AGBL4: variants seen among roughly 807,000 people sequenced by gnomAD.
The protein encoded by AGBL4 is AGBL carboxypeptidase 4, also known as cytosolic carboxypeptidase 6.
AGBL4 carries 58 observed loss-of-function variants against 66.4 expected under a neutral mutation model. The ratio of observed to expected loss-of-function variants is 0.87; its 90% CI spans 0.71 to 1.09. The LOEUF (loss-of-function observed/expected upper bound fraction) is 1.09. Ranked by LOEUF, AGBL4 falls within the 50% of genes least tolerant of loss-of-function variation. AGBL4 has a pLI of 0.00. For missense variants in AGBL4, 579 were observed against 631.0 expected (o/e 0.92, Z 0.88); for synonymous variants, 234 against 222.9 (o/e 1.05, Z -0.44).
intron 1 of AGBL4, among the ~76,000 whole-genome samples, chr1:49,880,857 T>G (rs1443281379): frequency 6.6e-6 from 1 of 152,022 alleles, no homozygotes; most frequent in Non-Finnish European, 1.5e-5. Context: ...GGATATAGTC[T>G]CGTGGTGCGC....
intron 4 of AGBL4, among the ~76,000 whole-genome samples, chr1:49,174,498 T>C (rs1363798229): frequency 6.6e-6 from 1 of 152,154 alleles, no homozygotes; most frequent in Non-Finnish European, 1.5e-5. Flanking sequence ...ATATGCATGG[T>C]CTCTTTCTAA....
chr1:48,955,817 A>C (rs1242432287), intron 5 of AGBL4, among the ~76,000 whole-genome samples: 2 of 152,262 alleles, frequency 1.3e-5, no homozygotes, highest in Non-Finnish European at 2.9e-5. Context: ...CTGAATCTCC[A>C]CCAGTGAAAC....
chr1:49,044,566 C>T (rs1644029543), intron 5 of AGBL4, among the ~76,000 whole-genome samples: 1 of 151,908 alleles, frequency 6.6e-6, no homozygotes, highest in Non-Finnish European at 1.5e-5. Flanking sequence ...AGATGTCTAA[C>T]TCCTAATCCC....
chr1:49,975,681 C>T (rs1318363681), intron 1 of AGBL4, among the ~76,000 whole-genome samples: 1 of 152,134 alleles, frequency 6.6e-6, no homozygotes, highest in African/African-American at 2.4e-5. Flanking sequence ...TATTTACACT[C>T]TATAATATTT....
At chr1:48,659,161 T>C (rs1646067591) in intron 7 of AGBL4, among the ~76,000 whole-genome samples, 1 of 152,084 alleles carries the variant, frequency 6.6e-6, no homozygotes, top group Admixed American at 6.5e-5. Flanking sequence ...GAGGGGATTG[T>C]GGGTACTGGT....
At chr1:49,470,216 A>T (rs530476758) in intron 3 of AGBL4, among the ~76,000 whole-genome samples, 1 of 151,982 alleles carries the variant, frequency 6.6e-6, no homozygotes. Context: ...TGTCTTAGAT[A>T]TAATAGTATT....
intron 4 of AGBL4, among the ~76,000 whole-genome samples, chr1:49,128,120 A>G (rs1645803579): frequency 6.6e-6 from 1 of 152,046 alleles, no homozygotes; most frequent in Non-Finnish European, 1.5e-5. Flanking sequence ...GAAGAAAGAT[A>G]TAAAAAAGAA....
chr1:49,428,294 T>C (rs1034166602), intron 3 of AGBL4, among the ~76,000 whole-genome samples: 1 of 152,238 alleles, frequency 6.6e-6, no homozygotes, highest in Non-Finnish European at 1.5e-5. Flanking sequence ...CACAGATTCA[T>C]AGTGGGCAAA....
At chr1:49,232,685 C>T (rs752834567) in intron 4 of AGBL4, among the ~76,000 whole-genome samples, 6 of 148,588 alleles carry the variant, frequency 4.0e-5, no homozygotes, top group South Asian at 4.2e-4. Context: ...GGTGACAGAG[C>T]GAGACTCTGT....
chr1:50,007,089 T>A (rs1661183313), intron 1 of AGBL4, among the ~76,000 whole-genome samples: 1 of 152,082 alleles, frequency 6.6e-6, no homozygotes, highest in Admixed American at 6.6e-5. Context: ...ACTTAAAATG[T>A]AGAGTTTTTA....
chr1:49,858,116 A>G (rs1646478992), intron 1 of AGBL4, among the ~76,000 whole-genome samples: 1 of 152,120 alleles, frequency 6.6e-6, no homozygotes, highest in Admixed American at 6.6e-5. Context: ...ATATGAAAAA[A>G]TGCTCAACAT....
intron 1 of AGBL4, 21 bp from the exon 2 acceptor site, chr1:49,851,539 A>G (rs1646306678): frequency 1.9e-6 from 3 of 1,543,920 alleles, no homozygotes; most frequent in East Asian, 4.9e-5. Flanking sequence ...AAATTGAAAT[A>G]AAAGTCAAAG....
At chr1:49,608,741 C>T (rs915487038) in intron 3 of AGBL4, among the ~76,000 whole-genome samples, 2 of 151,946 alleles carry the variant, frequency 1.3e-5, no homozygotes, top group Non-Finnish European at 2.9e-5. Context: ...CATCTCCTAG[C>T]CTGAAAAAGA....
chr1:49,596,302 G>A (rs767469028), intron 3 of AGBL4, among the ~76,000 whole-genome samples: 16 of 152,070 alleles, frequency 1.1e-4, no homozygotes, highest in Non-Finnish European at 1.0e-4. Flanking sequence ...TGAGTAGCTG[G>A]GGTTACAGGC....
chr1:48,687,139 C>A (rs72902823), intron 6 of AGBL4, among the ~76,000 whole-genome samples: 1 of 151,940 alleles, frequency 6.6e-6, no homozygotes, highest in African/African-American at 2.4e-5. Context: ...AGACAAACAG[C>A]GGCAGATGAA....
intron 3 of AGBL4, among the ~76,000 whole-genome samples, chr1:49,606,470 G>A (rs1037940861): frequency 6.6e-6 from 1 of 152,040 alleles, no homozygotes; most frequent in African/African-American, 2.4e-5. Flanking sequence ...ATATTTACAG[G>A]ATCCTATTTA....
intron 6 of AGBL4, chr1:48,776,581 C>G (rs1451973636): frequency 7.2e-7 from 1 of 1,386,890 alleles, no homozygotes; most frequent in East Asian, 3.1e-5. Context: ...CGGGTCCCAC[C>G]GTCCCTCCCC....
chr1:49,582,029 G>A (rs531863344), intron 3 of AGBL4, among the ~76,000 whole-genome samples: 1 of 152,274 alleles, frequency 6.6e-6, no homozygotes, highest in African/African-American at 2.4e-5. Context: ...GCACTTGCAG[G>A]TAGAAACAAG....
intron 3 of AGBL4, among the ~76,000 whole-genome samples, chr1:49,442,175 T>TGA (rs146900583): frequency 6.7e-4 from 101 of 150,080 alleles, no homozygotes; most frequent in African/African-American, 2.0e-3. Context: ...AAGCTGGGCC[T>TGA]GAGAGAGAGA....
Sources: gnomAD v4.1 joint callset for allele counts (sites outside exome capture counted in the v4.1 genomes callset) on GRCh38, gnomAD v4.1.1 for gene constraint, MANE v1.5 for transcripts, NCBI Gene and HGNC (gene_info 2026-07-23, HGNC 2026-07-21) for gene names.